Variants in EFCAB5 observed in about 807,000 individuals in gnomAD.
EFCAB5 encodes the protein EF-hand calcium-binding domain-containing protein 5.
A neutral mutation model predicts 167.9 loss-of-function variants in EFCAB5; 131 were observed. That is an observed-to-expected ratio of 0.78 (90% CI 0.68 to 0.90). The LOEUF is 0.90. Ranked by LOEUF, EFCAB5 falls within the 40% of genes least tolerant of loss-of-function variation. EFCAB5 has a pLI of 0.00. For synonymous variants in EFCAB5, 574 were observed against 602.8 expected (o/e 0.95, Z 0.70); for missense variants, 1,663 against 1,745.2 (o/e 0.95, Z 0.84).
At chr17:29,975,342 C>G (rs2068043488) in intron 4 of EFCAB5, among the ~76,000 whole-genome samples, 1 of 152,054 alleles carries the variant, frequency 6.6e-6, no homozygotes, top group Non-Finnish European at 1.5e-5. Context: ...TCACTGCAAC[C>G]TCCGCCTCCC....
chr17:30,097,123 C>G (rs1472744406), intron 22 of EFCAB5, among the ~76,000 whole-genome samples: 1 of 149,934 alleles, frequency 6.7e-6, no homozygotes, highest in Non-Finnish European at 1.5e-5. Context: ...GTGGCGCGAT[C>G]TCGGCTCACC....
At position 30,055,090 on chromosome 17, in the gene EFCAB5, G is replaced by T. The variant is rs201844041; in HGVS notation, c.2195-798G>T. ...AGACGGGTGGATCGCTTGAGCCCAG[G>T]AGTTCAAAACCAGCCTGAGCAACAT... On this transcript the variant is annotated intron_variant, in intron 10 of 22. Coordinates refer to ENST00000394835, the MANE Select transcript of EFCAB5 (RefSeq NM_198529.4). Among the ~76,000 whole-genome samples the T allele has an allele frequency of 2.6e-5, 4 of 151,924 alleles. No homozygotes were observed. In the East Asian group the frequency reaches 7.7e-4, roughly 29 times the overall value.
At chr17:30,020,942 G>GTAATAAAGGCTACACTAGAAGA (rs71138867) in intron 7 of EFCAB5, among the ~76,000 whole-genome samples, 4 of 151,784 alleles carry the variant, frequency 2.6e-5, no homozygotes, top group Admixed American at 2.6e-4. Context: ...ACAAATTATT[G>GTAATAAAGGCTACACTAGAAGA]TATCAGCATG....
intron 1 of EFCAB5, among the ~76,000 whole-genome samples, chr17:29,931,818 C>CTGTA (rs1252768870): frequency 1.3e-5 from 2 of 152,184 alleles, no homozygotes; most frequent in Non-Finnish European, 2.9e-5. Context: ...ATATTCAAAT[C>CTGTA]TGTAGGTCTT....
chr17:29,965,408 G>T (rs1327305182), intron 3 of EFCAB5, among the ~76,000 whole-genome samples: 1 of 151,790 alleles, frequency 6.6e-6, no homozygotes, highest in Admixed American at 6.6e-5. Flanking sequence ...TATTTTATAT[G>T]GTATCTATTT....
intron 7 of EFCAB5, among the ~76,000 whole-genome samples, chr17:30,023,437 T>A (rs995806272): frequency 4.0e-5 from 6 of 151,850 alleles, no homozygotes; most frequent in Non-Finnish European, 8.8e-5. Flanking sequence ...CTAGAAGAAA[T>A]GGATAAATTC....
chr17:30,002,158 AAAT>A (rs1389965097), intron 7 of EFCAB5, among the ~76,000 whole-genome samples: 1 of 152,164 alleles, frequency 6.6e-6, no homozygotes, highest in Non-Finnish European at 1.5e-5. Context: ...CTATGTCAAT[AAAT>A]ATTCTTTAAA....
intron 5 of EFCAB5, 37 bp downstream of exon 5, chr17:29,993,358 G>A: frequency 6.3e-7 from 1 of 1,583,002 alleles, no homozygotes; most frequent in South Asian, 1.2e-5. Flanking sequence ...AGGTAGGTGG[G>A]GTAAGTGGTA....
chr17:29,964,348 G>A (rs1422576635), intron 3 of EFCAB5, among the ~76,000 whole-genome samples: 1 of 152,150 alleles, frequency 6.6e-6, no homozygotes, highest in Non-Finnish European at 1.5e-5. Context: ...GAGCTGGAGT[G>A]CAATGGTGTG....
chr17:30,091,792 C>A, intron 20 of EFCAB5, 79 bp from the exon 21 acceptor site: 2 of 1,487,012 alleles, frequency 1.3e-6, no homozygotes, highest in South Asian at 1.3e-5. Flanking sequence ...ATAATATGTT[C>A]AGAATCCTAT....
intron 15 of EFCAB5, among the ~76,000 whole-genome samples, chr17:30,079,488 T>C (rs1002984177): frequency 5.9e-5 from 9 of 152,174 alleles, no homozygotes; most frequent in Admixed American, 3.9e-4. Context: ...ATATTGTTAA[T>C]AACATAATAA....
Position 29,993,181 on chromosome 17 carries a change from G to A in EFCAB5, c.784G>A (p.Glu262Lys), listed in dbSNP as rs771483527. The A allele has an allele frequency of 2.1e-5, 34 of 1,610,482 alleles. No individual in the cohort carries two copies. Among genetic ancestry groups the A allele is most frequent in the Non-Finnish European group, 2.7e-5 (32 of 1,178,224 alleles). ...ATCCTGCAGAGTATCCAAGATGAAG[G>A]AGAATGTTAAACAGAATAGAAAACA... ...TICNRVSKMK[E>K]NVKQNRKQRE... is the part of the protein sequence containing the mutation. Residue 262 changes from glutamate (E) to lysine (K), a missense_variant, in exon 5 of 23, where the codon GAG (glutamate) becomes AAG (lysine). Transcript: ENST00000394835.
Position 29,941,824 on chromosome 17 carries a change from C to T in EFCAB5, c.28C>T (p.Leu10Phe). 2 of 1,604,558 alleles carry T rather than the reference C, an allele frequency of 1.2e-6. No individual in the cohort carries two copies. Among genetic ancestry groups the T allele is most frequent in the Admixed American group, 1.7e-5 (1 of 58,976 alleles). ...GAATGAGTCAGCATCTCAAGAGGAA[C>T]TCAGACCTGCTCAGGTTCTTGTCCT... MNESASQEE[L>F]RPAQENRKED... The change falls in exon 1 of 23, where the codon CTC becomes TTC. Residue 10 changes from leucine (L) to phenylalanine (F), a missense_variant. Coordinates refer to ENST00000394835, the MANE Select transcript of EFCAB5 (RefSeq NM_198529.4).
intron 2 of EFCAB5, among the ~76,000 whole-genome samples, chr17:29,943,261 TA>T: frequency 6.6e-6 from 1 of 152,300 alleles, no homozygotes; most frequent in East Asian, 1.9e-4. Context: ...CATGTTTCTA[TA>T]AACTATTGTA....
rs1370170142 is a variant in EFCAB5 at position 30,056,124 on chromosome 17, CA to C, written c.2336del (p.Asn779ThrfsTer2). The C allele has an allele frequency of 6.2e-7, 1 of 1,611,536 alleles. No homozygotes were observed. Among genetic ancestry groups the C allele is most frequent in the Non-Finnish European group, 8.5e-7 (1 of 1,178,720 alleles). ...KYVTFEDEEQ[A>X]NLIYGNSRFT... ...GTCACATTTGAAGATGAGGAACAGG[CA>C]AACTTAATCTATGGTAACTCCAGGT... On this transcript the variant is annotated frameshift_variant, in exon 12 of 23. Coordinates refer to ENST00000394835, the MANE Select transcript of EFCAB5 (RefSeq NM_198529.4). LOFTEE classifies it high-confidence loss of function.
Position 30,055,916 on chromosome 17 carries a change from C to T in EFCAB5, c.2223C>T (p.Asp741=). Residue 741 remains aspartate (D), a synonymous_variant, in exon 11 of 23, where the codon GAC becomes GAT. Transcript: ENST00000394835. ...PETTKKEVQK[D]KPCEPKSQKI... ...CTACAAAAAAGGAAGTTCAGAAAGACAAGCCCTGTGAACCCAAGTCCCAAA... is the reference window on the plus strand; with the variant it reads ...CTACAAAAAAGGAAGTTCAGAAAGATAAGCCCTGTGAACCCAAGTCCCAAA... 6.2e-7 allele frequency: 1 copy of T among 1,613,602 alleles called. No individual in the cohort carries two copies. The highest frequency in any genetic ancestry group is 8.5e-7 in the Non-Finnish European group (1 of 1,179,742).
intron 10 of EFCAB5, among the ~76,000 whole-genome samples, chr17:30,054,375 A>G (rs766879760): frequency 3.3e-5 from 5 of 152,240 alleles, no homozygotes; most frequent in Non-Finnish European, 2.9e-5. Flanking sequence ...GTCAATTTAC[A>G]TATAATTTCC....
intron 4 of EFCAB5, among the ~76,000 whole-genome samples, chr17:29,981,267 T>C (rs2068168700): frequency 6.6e-6 from 1 of 152,182 alleles, no homozygotes; most frequent in African/African-American, 2.4e-5. Flanking sequence ...CCTTGCCTGC[T>C]TTTCCAAGCT....
rs2151835351 is a variant in EFCAB5 at position 30,080,791 on chromosome 17, C to T, written c.3236C>T (p.Pro1079Leu). 1.9e-6 allele frequency: 3 copies of T among 1,611,254 alleles called. No homozygotes were observed. In the East Asian group the frequency reaches 6.7e-5, roughly 36 times the overall value. The change falls in exon 17 of 23, where the codon CCC becomes CTC. Residue 1079 changes from proline (P) to leucine (L), a missense_variant. Physicochemically the swap from Pro to Leu is moderately conservative, Grantham distance 98. Transcript: ENST00000394835. ...GATGAAGGGAAGCCAATCCATGTTC[C>T]CCAAGTTCAGTACCATGGGAACATC... Reference protein sequence around the residue: ...VVDEGKPIHVPQVQYHGNIFF... With the variant: ...VVDEGKPIHVLQVQYHGNIFF...
Sources: allele counts gnomAD v4.1 joint callset (sites outside exome capture counted in the v4.1 genomes callset), GRCh38; gene constraint gnomAD v4.1.1; transcripts MANE v1.5; gene names NCBI Gene and HGNC (gene_info 2026-07-23, HGNC 2026-07-21).